CLYBL: variants seen among roughly 807,000 people sequenced by gnomAD.
CLYBL encodes the protein citramalyl-CoA lyase, mitochondrial.
Under a neutral mutation model 38.9 loss-of-function variants are expected in CLYBL, and 31 were observed. The observed-to-expected ratio is 0.80, with a 90% CI of 0.60 to 1.08. The LOEUF is 1.08. CLYBL is among the 50% of genes least tolerant of loss of function. CLYBL has a pLI of 0.00. For missense variants in CLYBL, 434 were observed against 411.6 expected (o/e 1.05, Z -0.47); for synonymous variants, 171 against 158.6 (o/e 1.08, Z -0.59).
At chr13:99,704,685 G>GT (rs2048119461) in intron 1 of CLYBL, among the ~76,000 whole-genome samples, 1 of 152,150 alleles carries the variant, frequency 6.6e-6, no homozygotes, top group South Asian at 2.1e-4. Flanking sequence ...TTTGGGGGCC[G>GT]TTTGACAGTC....
intron 8 of CLYBL, among the ~76,000 whole-genome samples, chr13:99,903,672 C>T (rs1594257634): frequency 6.6e-6 from 1 of 152,266 alleles, no homozygotes; most frequent in East Asian, 1.9e-4. Context: ...TTTCTAAATT[C>T]GTAAGATCTG....
chr13:99,700,813 G>A (rs1318157607), intron 1 of CLYBL, among the ~76,000 whole-genome samples: 12 of 152,170 alleles, frequency 7.9e-5, no homozygotes, highest in African/African-American at 2.4e-4. Context: ...TCTTTTTGGC[G>A]TTAAGGTATA....
At chr13:99,780,681 T>A (rs2049625688) in intron 2 of CLYBL, among the ~76,000 whole-genome samples, 1 of 140,402 alleles carries the variant, frequency 7.1e-6, no homozygotes, top group Non-Finnish European at 1.5e-5. Flanking sequence ...CAGCCGACAA[T>A]TTCTCTTTTA....
intron 1 of CLYBL, among the ~76,000 whole-genome samples, chr13:99,692,597 G>A (rs1306909247): frequency 1.3e-5 from 2 of 152,094 alleles, no homozygotes; most frequent in African/African-American, 4.8e-5. Flanking sequence ...CAGCCATAAA[G>A]TTCACATTTT....
At chr13:99,774,418 A>T (rs922941743) in intron 2 of CLYBL, among the ~76,000 whole-genome samples, 3 of 152,126 alleles carry the variant, frequency 2.0e-5, no homozygotes, top group African/African-American at 7.2e-5. Context: ...AATAACTTAC[A>T]TTTGCATGGA....
intron 7 of CLYBL, among the ~76,000 whole-genome samples, chr13:99,883,124 G>A (rs1441740402): frequency 6.6e-6 from 1 of 152,184 alleles, no homozygotes; most frequent in Non-Finnish European, 1.5e-5. Flanking sequence ...GGGCCCATCA[G>A]TGCATGTAGC....
chr13:99,844,140 T>C (rs769628976), intron 2 of CLYBL, among the ~76,000 whole-genome samples: 2 of 152,134 alleles, frequency 1.3e-5, no homozygotes, highest in Non-Finnish European at 2.9e-5. Context: ...AACAGTTTAT[T>C]ACAGGCTATC....
chr13:99,641,753 A>C (rs11842082), intron 1 of CLYBL, among the ~76,000 whole-genome samples: 24,934 of 152,030 alleles, frequency 0.16, 2,184 homozygotes, highest in African/African-American at 0.21. Flanking sequence ...TGGAGCTTGC[A>C]GTGAGCTGAG....
At chr13:99,643,126 A>G (rs1332086801) in intron 1 of CLYBL, 4 of 153,090 alleles carry the variant, frequency 2.6e-5, no homozygotes, top group African/African-American at 9.6e-5. Context: ...TGTCCTCTGG[A>G]GAGAAAGGCA....
chr13:99,721,485 A>T (rs974092830), intron 1 of CLYBL, among the ~76,000 whole-genome samples: 10 of 149,702 alleles, frequency 6.7e-5, no homozygotes, highest in African/African-American at 9.8e-5. Flanking sequence ...ATATATATAT[A>T]TTTTTATTAC....
chr13:99,764,841 T>C (rs1456002980), intron 1 of CLYBL, among the ~76,000 whole-genome samples: 3 of 150,988 alleles, frequency 2.0e-5, no homozygotes, highest in Non-Finnish European at 4.4e-5. Context: ...CCACCATGCC[T>C]GGCTAATTTT....
intron 1 of CLYBL, among the ~76,000 whole-genome samples, chr13:99,682,943 G>A (rs1269935477): frequency 6.6e-6 from 1 of 151,954 alleles, no homozygotes; most frequent in African/African-American, 2.4e-5. Flanking sequence ...TCGCCATGTT[G>A]GCCAGGCTGG....
At position 99,717,049 on chromosome 13, in the gene CLYBL, G is replaced by A. The variant is rs185539925; in HGVS notation, c.63-55775G>A. ...CAGGTAATCCGCCCACCTTGGCCTC[G>A]CAAAGAGCTGGGATTACAGGCGTGA... On this transcript the variant is annotated intron_variant, in intron 1 of 8. Coordinates refer to ENST00000339105, the MANE Select transcript of CLYBL (RefSeq NM_206808.5). Among the ~76,000 whole-genome samples the A allele has an allele frequency of 4.7e-5, 7 of 148,130 alleles. No individual in the cohort carries two copies. In the South Asian group the frequency reaches 1.5e-3, roughly 32 times the overall value.
rs138239613 is a variant in CLYBL, at chr13:99,848,812, C to A, written c.250-10049C>A. 2.0e-5 allele frequency among the ~76,000 whole-genome samples: 3 copies of A among 152,334 alleles called. No homozygotes were observed. The East Asian group carries it at 5.8e-4, about 29-fold the overall frequency. On this transcript the variant is annotated intron_variant, in intron 2 of 8. Coordinates refer to ENST00000339105, the MANE Select transcript of CLYBL (RefSeq NM_206808.5). ...CATGAGCTAGCAGATTCCACAACCA[C>A]AGACAAATCTGAGCATGGCGGTGGT...
chr13:99,717,033 C>T (rs1365021146), intron 1 of CLYBL, among the ~76,000 whole-genome samples: 4 of 151,752 alleles, frequency 2.6e-5, no homozygotes, highest in South Asian at 2.1e-4. Flanking sequence ...TCAGGTAATC[C>T]GCCCACCTTG....
At chr13:99,805,664 T>C (rs2138961849) in intron 2 of CLYBL, among the ~76,000 whole-genome samples, 1 of 152,260 alleles carries the variant, frequency 6.6e-6, no homozygotes, top group South Asian at 2.1e-4. Flanking sequence ...TTAACTTATT[T>C]AATCATCAAA....
In CLYBL at chr13:99,801,215, G is replaced by A. The variant is rs1226960951; in HGVS notation, c.249+28205G>A. ...TAAGCATCTGAGCTCAAGCTGTGAGGAACGTTTGTTAAAGACTTTTAAATG... is the reference window on the plus strand; with the variant it reads ...TAAGCATCTGAGCTCAAGCTGTGAGAAACGTTTGTTAAAGACTTTTAAATG... On this transcript the variant is annotated intron_variant, in intron 2 of 8. Coordinates refer to ENST00000339105, the MANE Select transcript of CLYBL (RefSeq NM_206808.5). Among the ~76,000 whole-genome samples the A allele has an allele frequency of 2.6e-5, 4 of 152,336 alleles. No individual in the cohort carries two copies. In the East Asian group the frequency reaches 7.7e-4, roughly 29 times the overall value.
chr13:99,806,446 C>T (rs2138965352), intron 2 of CLYBL, among the ~76,000 whole-genome samples: 1 of 152,258 alleles, frequency 6.6e-6, no homozygotes. Flanking sequence ...ACCTTTTACC[C>T]AGTTATCTGT....
intron 1 of CLYBL, among the ~76,000 whole-genome samples, chr13:99,703,206 G>T (rs945154929): frequency 6.6e-6 from 1 of 152,162 alleles, no homozygotes; most frequent in Non-Finnish European, 1.5e-5. Flanking sequence ...TGTAATCCCC[G>T]CAGTTTGGGA....
Sources: allele counts gnomAD v4.1 joint callset (sites outside exome capture counted in the v4.1 genomes callset), GRCh38; gene constraint gnomAD v4.1.1; transcripts MANE v1.5; gene names NCBI Gene and HGNC (gene_info 2026-07-23, HGNC 2026-07-21).